The following HDGFL2 variants were observed in gnomAD, a reference collection of about 807,000 sequenced individuals.
The protein encoded by HDGFL2 is hepatoma-derived growth factor-related protein 2.
In HDGFL2, 36 loss-of-function variants were observed where a neutral mutation model predicts 77.1. The ratio of observed to expected loss-of-function variants is 0.47; its 90% CI spans 0.36 to 0.62. The LOEUF (loss-of-function observed/expected upper bound fraction) is 0.62. Among genes scored for constraint, HDGFL2 ranks in the 20% least tolerant of loss-of-function variants. The probability of loss-of-function intolerance (pLI) is 0.00; values close to 1 mark genes in which losing one functional copy is unlikely to be tolerated. For missense variants in HDGFL2, 976 were observed against 973.4 expected (o/e 1.00, Z -0.04); for synonymous variants, 463 against 413.1 (o/e 1.12, Z -1.46).
intron 3 of HDGFL2, among the ~76,000 whole-genome samples, chr19:4,482,067 C>G (rs1449166950): frequency 8.2e-6 from 1 of 121,620 alleles, no homozygotes; most frequent in Non-Finnish European, 1.6e-5. Context: ...GAGTCTCGCT[C>G]TGTTGCCGAG....
chr19:4,478,347 C>T (rs553739459), intron 3 of HDGFL2, among the ~76,000 whole-genome samples: 17 of 151,666 alleles, frequency 1.1e-4, no homozygotes, highest in Non-Finnish European at 2.2e-4. Flanking sequence ...GGACTATGGG[C>T]GCCCACTACC....
At chr19:4,497,066 G>A (rs976257709) in intron 10 of HDGFL2, 1 of 416,286 alleles carries the variant, frequency 2.4e-6, no homozygotes, top group Non-Finnish European at 4.8e-6. Flanking sequence ...GTAGACACGG[G>A]GTTTCATCAT....
At chr19:4,478,257 C>T (rs1014352047) in intron 3 of HDGFL2, among the ~76,000 whole-genome samples, 16 of 148,940 alleles carry the variant, frequency 1.1e-4, no homozygotes, top group African/African-American at 3.9e-4. Context: ...GGCTGGAGTG[C>T]AGTGGTGTGG....
chr19:4,497,682 A>G (rs1356846644), intron 10 of HDGFL2: 3 of 500,898 alleles, frequency 6.0e-6, no homozygotes, highest in Non-Finnish European at 3.6e-6. Context: ...AGACAAAGCC[A>G]GCCCTTGGCC....
rs748625705 is a variant in HDGFL2, at chr19:4,501,258, C to G, written c.1857C>G (p.His619Gln). 3 of 1,613,298 alleles carry G rather than the reference C, an allele frequency of 1.9e-6. No homozygotes were observed. The highest frequency in any genetic ancestry group is 2.7e-5 in the African/African-American group (2 of 74,918). ...GGGAGAGCGCAGAGGACAAGGAGCA[C>G]GAGGAGGGTCGGGACTCGGAGGAGG... Reference protein sequence around the residue: ...QKGESAEDKEHEEGRDSEEGP... With the variant: ...QKGESAEDKEQEEGRDSEEGP... The change falls in exon 15 of 16, where the codon CAC becomes CAG. Residue 619 changes from histidine (H) to glutamine (Q), a missense_variant. By Grantham distance (24) the His-to-Gln change is conservative. This residue lies in a region of HDGFL2 where 229 missense variants were observed against 187.3 expected (regional missense o/e 1.22). Coordinates refer to ENST00000616600, the MANE Select transcript of HDGFL2 (RefSeq NM_001001520.3).
rs755271530 is a variant in HDGFL2 at position 4,501,276 on chromosome 19, G to A, written c.1875G>A (p.Ser625=). The change falls in exon 15 of 16, where the codon TCG becomes TCA. Residue 625 remains serine, a synonymous_variant. Coordinates refer to ENST00000616600, the MANE Select transcript of HDGFL2 (RefSeq NM_001001520.3). ...EDKEHEEGRD[S]EEGPRCGSSE... is the part of the protein sequence containing the mutation. ...AGGAGCACGAGGAGGGTCGGGACTCGGAGGAGGGGCCAAGGTGTGGCTCCT... is the reference window on the plus strand; with the variant it reads ...AGGAGCACGAGGAGGGTCGGGACTCAGAGGAGGGGCCAAGGTGTGGCTCCT... 10 of 1,611,716 alleles carry A rather than the reference G, an allele frequency of 6.2e-6. No individual in the cohort carries two copies. The highest frequency in any genetic ancestry group is 4.5e-5 in the East Asian group (2 of 44,864).
At chr19:4,475,891 CT>C (rs34722390) in intron 3 of HDGFL2, among the ~76,000 whole-genome samples, 90,603 of 136,668 alleles carry the variant, frequency 0.66, 29,714 homozygotes, top group African/African-American at 0.73. Flanking sequence ...GTCCAAGTTT[CT>C]TTTTTTTTTT....
intron 3 of HDGFL2, among the ~76,000 whole-genome samples, chr19:4,486,656 G>A (rs971410226): frequency 7.2e-5 from 11 of 151,998 alleles, no homozygotes; most frequent in South Asian, 2.1e-4. Context: ...TGGTCAACAT[G>A]GTGAAACCCT....
At chr19:4,499,303 G>A (rs1022833393) in intron 13 of HDGFL2, among the ~76,000 whole-genome samples, 188 bp from the exon 14 acceptor site, 6 of 151,326 alleles carry the variant, frequency 4.0e-5, no homozygotes, top group South Asian at 2.1e-4. Context: ...CCGAGATCGC[G>A]CCACTGCACT....
chr19:4,483,530 A>G (rs1487870626), intron 3 of HDGFL2, among the ~76,000 whole-genome samples: 1 of 152,134 alleles, frequency 6.6e-6, no homozygotes, highest in Non-Finnish European at 1.5e-5. Flanking sequence ...CCTCGCCTGC[A>G]GCATCCGCCC....
At chr19:4,499,400 C>T (rs1000979604) in intron 13 of HDGFL2, 91 bp from the exon 14 acceptor site, 70 of 1,142,846 alleles carry the variant, frequency 6.1e-5, no homozygotes, top group African/African-American at 1.7e-4. Context: ...GGAGGGGCTG[C>T]GGGAGGGGCG....
intron 1 of HDGFL2, chr19:4,474,845 G>A (rs117958498): frequency 5.4e-6 from 1 of 186,262 alleles, no homozygotes; most frequent in East Asian, 1.6e-4. Flanking sequence ...GGATGCTCAG[G>A]GCCGTTTCTT....
intron 9 of HDGFL2, among the ~76,000 whole-genome samples, chr19:4,495,331 C>T (rs1175462647): frequency 3.6e-5 from 5 of 140,806 alleles, no homozygotes; most frequent in African/African-American, 1.1e-4. Flanking sequence ...GAGGTTGCAG[C>T]GAGCCAAGAT....
At chr19:4,482,711 G>C (rs1975251464) in intron 3 of HDGFL2, among the ~76,000 whole-genome samples, 1 of 152,238 alleles carries the variant, frequency 6.6e-6, no homozygotes, top group African/African-American at 2.4e-5. Context: ...TTTCATCTCA[G>C]ATCTGCAGTT....
intron 3 of HDGFL2, among the ~76,000 whole-genome samples, chr19:4,485,759 C>G (rs1308532951): frequency 1.4e-5 from 2 of 144,296 alleles, no homozygotes; most frequent in Non-Finnish European, 3.0e-5. Context: ...AAAAAAATCT[C>G]AATCTCGTGG....
chr19:4,501,172 A>AC lies in HDGFL2; in HGVS notation c.1790-15dup. 1 of 1,612,440 alleles carries AC rather than the reference A, an allele frequency of 6.2e-7. No homozygotes were observed. The highest frequency in any genetic ancestry group is 2.2e-5 in the East Asian group (1 of 44,820). ...AGCTGGAGCCCAGCAGTGTCCTGTG[A>AC]CCCCTCTGTCCCACCCAGATCTCTC... On this transcript the variant is annotated intron_variant, in intron 14 of 15. Coordinates refer to ENST00000616600, the MANE Select transcript of HDGFL2 (RefSeq NM_001001520.3).
In HDGFL2 at chr19:4,491,625, C is replaced by A; in HGVS notation, c.549C>A (p.Ser183=). The change falls in exon 5 of 16, where the codon TCC becomes TCA. Residue 183 remains serine (S), a synonymous_variant. Coordinates refer to ENST00000616600, the MANE Select transcript of HDGFL2 (RefSeq NM_001001520.3). ...GCGACCTGGATCAGGCCAGCGTGTC[C>A]CCATCCGAAGAGGAGAACTCGGAAA... ...ASSDLDQASV[S]PSEEENSESS... The A allele has an allele frequency of 1.9e-6, 3 of 1,613,968 alleles. No individual in the cohort carries two copies. The highest frequency in any genetic ancestry group is 2.5e-6 in the Non-Finnish European group (3 of 1,180,026).
At chr19:4,475,985 A>G (rs995179944) in intron 3 of HDGFL2, among the ~76,000 whole-genome samples, 8 of 147,284 alleles carry the variant, frequency 5.4e-5, no homozygotes, top group Non-Finnish European at 8.9e-5. Context: ...CGCCTCCTGT[A>G]TTCCCGCCAT....
At chr19:4,472,510 G>A (rs1974967771) in intron 1 of HDGFL2, 88 bp downstream of exon 1, 1 of 902,414 alleles carries the variant, frequency 1.1e-6, no homozygotes, top group Non-Finnish European at 1.5e-6. Flanking sequence ...GAGGGCCGGG[G>A]TTGTCCTGGG....
Sources: allele counts gnomAD v4.1 joint callset (sites outside exome capture counted in the v4.1 genomes callset), GRCh38; gene constraint gnomAD v4.1.1; regional missense constraint gnomAD v4.1.1; transcripts MANE v1.5; gene names NCBI Gene and HGNC (gene_info 2026-07-23, HGNC 2026-07-21).